The following GSG1L variants were observed in gnomAD, a reference collection of about 807,000 sequenced individuals.
GSG1L encodes germ cell-specific gene 1-like protein.
GSG1L carries 24 observed loss-of-function variants against 42.1 expected under a neutral mutation model. The observed-to-expected ratio is 0.57, with a 90% CI of 0.41 to 0.80. The LOEUF (loss-of-function observed/expected upper bound fraction) is 0.80. GSG1L is among the 30% of genes least tolerant of loss of function. The pLI, the probability that GSG1L is intolerant of heterozygous loss-of-function variation, is 0.00. For synonymous variants in GSG1L, 215 were observed against 203.5 expected (o/e 1.06, Z -0.48); for missense variants, 445 against 472.2 (o/e 0.94, Z 0.53).
chr16:27,877,044 G>C (rs2083896825), intron 3 of GSG1L, among the ~76,000 whole-genome samples: 1 of 152,156 alleles, frequency 6.6e-6, no homozygotes, highest in African/African-American at 2.4e-5. Context: ...TAGTGGATCA[G>C]CCTCAATTTT....
chr16:28,003,179 C>A (rs2085598424), intron 1 of GSG1L, among the ~76,000 whole-genome samples: 2 of 152,198 alleles, frequency 1.3e-5, no homozygotes, highest in Non-Finnish European at 2.9e-5. Flanking sequence ...ACTGAGGGCA[C>A]CAAGCAGACG....
chr16:28,017,472 C>T (rs1197346138), intron 1 of GSG1L, among the ~76,000 whole-genome samples: 1 of 152,194 alleles, frequency 6.6e-6, no homozygotes, highest in African/African-American at 2.4e-5. Context: ...TCAAAGGAAT[C>T]CGTGCCAGAG....
At chr16:27,923,621 G>A (rs2084553485) in intron 2 of GSG1L, among the ~76,000 whole-genome samples, 1 of 151,748 alleles carries the variant, frequency 6.6e-6, no homozygotes, top group Non-Finnish European at 1.5e-5. Context: ...GGGTGCCTGT[G>A]GTCCCAGCTA....
intron 3 of GSG1L, among the ~76,000 whole-genome samples, chr16:27,866,217 CT>C (rs2083722330): frequency 6.6e-6 from 1 of 152,192 alleles, no homozygotes; most frequent in South Asian, 2.1e-4. Context: ...TCCACACCCC[CT>C]CTCCCGTTAC....
chr16:27,980,901 C>CAAAAAAAAAAAAAAAAAA (rs11390148), intron 1 of GSG1L, among the ~76,000 whole-genome samples: 4 of 127,024 alleles, frequency 3.1e-5, no homozygotes, highest in Non-Finnish European at 5.0e-5. Flanking sequence ...AACCAAAAAA[C>CAAAAAAAAAAAAAAAAAA]AAAAAAAAAA....
intron 1 of GSG1L, among the ~76,000 whole-genome samples, chr16:27,984,229 G>C (rs1240623057): frequency 6.6e-6 from 1 of 152,050 alleles, no homozygotes; most frequent in Non-Finnish European, 1.5e-5. Flanking sequence ...CTCTTTCTTT[G>C]GCATCTCAGC....
At chr16:27,976,081 C>G (rs1416271109) in intron 1 of GSG1L, among the ~76,000 whole-genome samples, 1 of 152,140 alleles carries the variant, frequency 6.6e-6, no homozygotes, top group African/African-American at 2.4e-5. Context: ...TCGAGACCAG[C>G]CTGGCCAATG....
chr16:27,961,927 G>T (rs189142644), intron 2 of GSG1L, among the ~76,000 whole-genome samples: 1 of 152,050 alleles, frequency 6.6e-6, no homozygotes, highest in Admixed American at 6.6e-5. Context: ...TGACTGGAGC[G>T]CTCCAAAAAG....
rs76306799 is a variant in GSG1L at position 28,042,388 on chromosome 16, A to T, written c.349+20688T>A. 3.1e-3 allele frequency among the ~76,000 whole-genome samples: 476 copies of T among 151,352 alleles called. 1 individual carries two copies. Among genetic ancestry groups the T allele is most frequent in the African/African-American group, 0.011 (441 of 41,212 alleles). ...GGGGCGGAGGTTGCAGTGAACTGAG[A>T]TCACTCCACTGCACTCCAGCCTGGG... is the stretch of plus-strand genomic sequence containing the variant. On this transcript the variant is annotated intron_variant, in intron 1 of 6. Coordinates refer to ENST00000447459, the MANE Select transcript of GSG1L (RefSeq NM_001109763.2).
At chr16:27,978,616 G>A (rs900899980) in intron 1 of GSG1L, among the ~76,000 whole-genome samples, 9 of 150,862 alleles carry the variant, frequency 6.0e-5, no homozygotes, top group Admixed American at 4.0e-4. Flanking sequence ...GCTTGAACCT[G>A]GGAGGCGGAG....
At chr16:27,979,666 AGAGAGAGAGAG>A (rs2085294411) in intron 1 of GSG1L, among the ~76,000 whole-genome samples, 6 of 92,164 alleles carry the variant, frequency 6.5e-5, no homozygotes, top group South Asian at 5.3e-4. Flanking sequence ...AAAGAAAGAG[AGAGAGAGAGAG>A]AGAAAGAAAG....
intron 2 of GSG1L, among the ~76,000 whole-genome samples, chr16:27,906,544 G>A (rs534719383): frequency 1.9e-3 from 289 of 152,216 alleles, no homozygotes; most frequent in Non-Finnish European, 2.3e-3. Flanking sequence ...AGGAGATCAA[G>A]TTTGCTTCAG....
In GSG1L at chr16:27,943,566, C is replaced by CTTTTTTTTTTTTTTT. The variant is rs11385465; in HGVS notation, c.397+19575_397+19589dup. On this transcript the variant is annotated intron_variant, in intron 2 of 6. Transcript: ENST00000447459. ...GCTAACATTTTCTTTTTCTTTGTTT[C>CTTTTTTTTTTTTTTT]TTTTTTTTTTTTTTTTTTTTTTTTT... Among the ~76,000 whole-genome samples the CTTTTTTTTTTTTTTT allele has an allele frequency of 1.2e-3, 80 of 67,720 alleles. 1 individual carries two copies. Among genetic ancestry groups the CTTTTTTTTTTTTTTT allele is most frequent in the East Asian group, 1.7e-3 (3 of 1,762 alleles). 44.4% of individuals were successfully genotyped at this position (67,720 alleles called of 152,430 possible). A position where few individuals can be genotyped will look rare whatever the true frequency, so the allele number is the denominator to read the frequency against.
chr16:27,993,303 C>A lies in GSG1L; in HGVS notation c.350-30100G>T, dbSNP rs186714664. Among the ~76,000 whole-genome samples, 35 of 152,276 alleles carry A rather than the reference C, an allele frequency of 2.3e-4. 1 individual carries two copies. The East Asian group carries it at 6.6e-3, about 29-fold the overall frequency. On this transcript the variant is annotated intron_variant, in intron 1 of 6. Transcript: ENST00000447459. ...AGACAGGACTACAGGCATGCACCAC[C>A]ATGCCCAGCTAATTTTTTGTATTTT...
At chr16:27,877,071 G>T (rs1304716443) in intron 3 of GSG1L, among the ~76,000 whole-genome samples, 1 of 152,094 alleles carries the variant, frequency 6.6e-6, no homozygotes, top group East Asian at 1.9e-4. Flanking sequence ...AGCTGGGGGA[G>T]GAACAGAAAT....
chr16:28,003,866 A>C (rs1480944749), intron 1 of GSG1L, among the ~76,000 whole-genome samples: 1 of 152,202 alleles, frequency 6.6e-6, no homozygotes, highest in Non-Finnish European at 1.5e-5. Context: ...AGGGGCAACA[A>C]AGGGAAAAAG....
intron 1 of GSG1L, among the ~76,000 whole-genome samples, chr16:27,963,574 G>A (rs925365663): frequency 1.3e-5 from 2 of 152,100 alleles, no homozygotes; most frequent in African/African-American, 4.8e-5. Flanking sequence ...TCAAAACACA[G>A]CTCTGATCAC....
intron 3 of GSG1L, among the ~76,000 whole-genome samples, chr16:27,850,833 G>T (rs9926139): frequency 1.3e-5 from 2 of 148,604 alleles, no homozygotes; most frequent in African/African-American, 5.0e-5. Context: ...TACAGACAGC[G>T]TCCCTCCATG....
intron 4 of GSG1L, among the ~76,000 whole-genome samples, chr16:27,831,960 G>A (rs2140969533): frequency 6.6e-6 from 1 of 152,004 alleles, no homozygotes; most frequent in South Asian, 2.1e-4. Context: ...CTTTACCCAG[G>A]CTTTTTGCCC....
Sources: allele counts gnomAD v4.1 joint callset (sites outside exome capture counted in the v4.1 genomes callset), GRCh38; gene constraint gnomAD v4.1.1; transcripts MANE v1.5; gene names NCBI Gene and HGNC (gene_info 2026-07-23, HGNC 2026-07-21).